LRRTM4: variants seen among roughly 807,000 people sequenced by gnomAD.
The protein encoded by LRRTM4 is leucine rich repeat transmembrane neuronal 4, also known as leucine-rich repeat transmembrane neuronal protein 4.
Under a neutral mutation model 47.6 loss-of-function variants are expected in LRRTM4, and 25 were observed. The observed-to-expected ratio is 0.53, with a 90% CI of 0.38 to 0.73. LRRTM4 has a LOEUF of 0.73. Among genes scored for constraint, LRRTM4 ranks in the 30% least tolerant of loss-of-function variants. LRRTM4 has a pLI of 0.00. For synonymous variants in LRRTM4, 311 were observed against 269.5 expected, an observed-to-expected ratio of 1.15 and a Z score of -1.51; for missense variants, 638 against 713.4, an observed-to-expected ratio of 0.89 and a Z score of 1.20.
intron 3 of LRRTM4, among the ~76,000 whole-genome samples, chr2:77,458,940 G>C (rs1676670007): frequency 6.6e-6 from 1 of 151,926 alleles, no homozygotes; most frequent in African/African-American, 2.4e-5. Flanking sequence ...CCATAGGTTT[G>C]TGAAATCATG....
At chr2:77,257,179 C>T (rs1473657384) in intron 3 of LRRTM4, among the ~76,000 whole-genome samples, 1 of 152,014 alleles carries the variant, frequency 6.6e-6, no homozygotes, top group African/African-American at 2.4e-5. Flanking sequence ...AAAAATCCTA[C>T]CGCTAACGTC....
chr2:77,488,764 T>G (rs1282279930), intron 3 of LRRTM4, among the ~76,000 whole-genome samples: 1 of 152,120 alleles, frequency 6.6e-6, no homozygotes, highest in Non-Finnish European at 1.5e-5. Context: ...ACTCACTTAA[T>G]GTCTTGACCA....
intron 3 of LRRTM4, among the ~76,000 whole-genome samples, chr2:77,019,322 T>C (rs1237381527): frequency 6.6e-6 from 1 of 151,716 alleles, no homozygotes; most frequent in African/African-American, 2.4e-5. Flanking sequence ...CTGATATCTT[T>C]GCCATTGTTA....
At chr2:76,937,054 G>A (rs1237616504) in intron 3 of LRRTM4, among the ~76,000 whole-genome samples, 6 of 144,924 alleles carry the variant, frequency 4.1e-5, no homozygotes, top group African/African-American at 7.6e-5. Flanking sequence ...ACAACGGGAA[G>A]CCACAGAAGG....
At chr2:77,438,393 A>ATTTTTTTTTTTTTTTTTTTTTTTTTTT (rs70956631) in intron 3 of LRRTM4, among the ~76,000 whole-genome samples, 1 of 100,172 alleles carries the variant, frequency 1.0e-5, no homozygotes, top group African/African-American at 4.5e-5. Context: ...GATCATGATA[A>ATTTTTTTTTTTTTTTTTTTTTTTTTTT]TTTTTTTTTT....
chr2:77,392,208 C>A (rs999877468), intron 3 of LRRTM4, among the ~76,000 whole-genome samples: 10 of 152,028 alleles, frequency 6.6e-5, no homozygotes, highest in African/African-American at 1.9e-4. Flanking sequence ...GTTTTCAACT[C>A]TTCAGGTGGA....
At chr2:77,217,490 G>A (rs1213073591) in intron 3 of LRRTM4, among the ~76,000 whole-genome samples, 2 of 101,992 alleles carry the variant, frequency 2.0e-5, no homozygotes, top group Non-Finnish European at 3.7e-5. Context: ...AATTTAAAAA[G>A]ATAATATACC....
intron 3 of LRRTM4, among the ~76,000 whole-genome samples, chr2:76,981,942 A>G (rs750280587): frequency 2.0e-5 from 3 of 152,036 alleles, no homozygotes; most frequent in Non-Finnish European, 4.4e-5. Context: ...GAATTGATCA[A>G]TTTGGGTCAC....
intron 3 of LRRTM4, among the ~76,000 whole-genome samples, chr2:77,503,886 G>A (rs774908776): frequency 6.6e-5 from 10 of 151,662 alleles, no homozygotes; most frequent in Non-Finnish European, 1.3e-4. Flanking sequence ...ATTATAAAAT[G>A]TGGTGATGAT....
chr2:77,331,816 T>C (rs1047384715), intron 3 of LRRTM4, among the ~76,000 whole-genome samples: 3 of 152,146 alleles, frequency 2.0e-5, no homozygotes, highest in Non-Finnish European at 4.4e-5. Context: ...TTTTCTAGTG[T>C]TATATGACAA....
intron 3 of LRRTM4, among the ~76,000 whole-genome samples, chr2:77,476,393 G>C (rs1677389229): frequency 6.6e-6 from 1 of 151,932 alleles, no homozygotes; most frequent in Non-Finnish European, 1.5e-5. Flanking sequence ...ATTCAAATTG[G>C]TAAATATACA....
At chr2:77,314,910 G>A (rs1212878643) in intron 3 of LRRTM4, among the ~76,000 whole-genome samples, 1 of 152,112 alleles carries the variant, frequency 6.6e-6, no homozygotes, top group Non-Finnish European at 1.5e-5. Context: ...CAATCACGAG[G>A]GTAAACACTC....
At chr2:76,763,380 T>C (rs1038318050) in intron 3 of LRRTM4, among the ~76,000 whole-genome samples, 6 of 152,346 alleles carry the variant, frequency 3.9e-5, no homozygotes, top group African/African-American at 1.2e-4. Flanking sequence ...CTAGAATTAG[T>C]GTCTTCATGA....
chr2:77,433,569 G>A (rs1675471507), intron 3 of LRRTM4, among the ~76,000 whole-genome samples: 1 of 152,142 alleles, frequency 6.6e-6, no homozygotes, highest in Non-Finnish European at 1.5e-5. Context: ...GTGTAGGAAA[G>A]CAAGATGATA....
At chr2:76,812,776 C>CCCTCCTCCCCTCCCCCCCCCCTT (rs1670780367) in intron 3 of LRRTM4, among the ~76,000 whole-genome samples, 2 of 85,680 alleles carry the variant, frequency 2.3e-5, no homozygotes, top group African/African-American at 5.7e-5. Context: ...CTCTCCCTCC[C>CCCTCCTCCCCTCCCCCCCCCCTT]CCTCCTCCTC....
intron 3 of LRRTM4, among the ~76,000 whole-genome samples, chr2:77,437,837 C>A (rs528460020): frequency 3.5e-4 from 53 of 152,122 alleles, no homozygotes; most frequent in Non-Finnish European, 3.8e-4. Context: ...TTATAATACA[C>A]AATTTTTCTC....
At chr2:77,285,518 G>C (rs1241425702) in intron 3 of LRRTM4, among the ~76,000 whole-genome samples, 1 of 151,752 alleles carries the variant, frequency 6.6e-6, no homozygotes, top group Non-Finnish European at 1.5e-5. Context: ...GAGGCGGGCA[G>C]ATCGCCTGAG....
chr2:77,436,200 A>C (rs996031362), intron 3 of LRRTM4, among the ~76,000 whole-genome samples: 3 of 152,164 alleles, frequency 2.0e-5, no homozygotes, highest in African/African-American at 7.2e-5. Flanking sequence ...AAAAATGCCC[A>C]AAGCAATGAC....
chr2:77,391,131 T>TA (rs1230047976), intron 3 of LRRTM4, among the ~76,000 whole-genome samples: 2 of 151,972 alleles, frequency 1.3e-5, no homozygotes, highest in African/African-American at 2.4e-5. Context: ...TGAAACCAAG[T>TA]AAAAAATAAT....
Sources: gnomAD v4.1 joint callset for allele counts (sites outside exome capture counted in the v4.1 genomes callset) on GRCh38, gnomAD v4.1.1 for gene constraint, MANE v1.5 for transcripts, NCBI Gene and HGNC (gene_info 2026-07-23, HGNC 2026-07-21) for gene names.